The following JMY variants were observed in gnomAD, a reference collection of about 807,000 sequenced individuals.
JMY encodes junction mediating and regulatory protein, p53 cofactor.
A neutral mutation model predicts 103.3 loss-of-function variants in JMY; 46 were observed. The ratio of observed to expected loss-of-function variants is 0.45; its 90% CI spans 0.35 to 0.57. The LOEUF is 0.57. JMY is among the 20% of genes least tolerant of loss of function. The pLI, the probability that JMY is intolerant of heterozygous loss-of-function variation, is 0.00. For synonymous variants in JMY, 526 were observed against 489.3 expected, an observed-to-expected ratio of 1.07 and a Z score of -0.99; for missense variants, 1,238 against 1,255.2, an observed-to-expected ratio of 0.99 and a Z score of 0.21.
At chr5:79,258,005 C>T (rs939857536) in intron 1 of JMY, among the ~76,000 whole-genome samples, 1 of 152,008 alleles carries the variant, frequency 6.6e-6, no homozygotes, top group African/African-American at 2.4e-5. Context: ...TCAAGTGGTC[C>T]GCCTGCCTCA....
intron 1 of JMY, among the ~76,000 whole-genome samples, chr5:79,263,148 TG>T (rs1291179497): frequency 6.6e-6 from 1 of 152,188 alleles, no homozygotes; most frequent in East Asian, 1.9e-4. Flanking sequence ...TTGCTATTCC[TG>T]AAACCTGGTA....
chr5:79,272,725 G>A (rs955228245), intron 1 of JMY, among the ~76,000 whole-genome samples: 1 of 152,094 alleles, frequency 6.6e-6, no homozygotes, highest in Non-Finnish European at 1.5e-5. Context: ...CCTCAAACTC[G>A]TGAGTTCAAG....
At chr5:79,270,977 A>T (rs929165861) in intron 1 of JMY, among the ~76,000 whole-genome samples, 1 of 152,008 alleles carries the variant, frequency 6.6e-6, no homozygotes, top group Non-Finnish European at 1.5e-5. Flanking sequence ...AATAAATCAC[A>T]TTCAGTTATG....
intron 1 of JMY, among the ~76,000 whole-genome samples, chr5:79,257,906 G>A (rs1178319299): frequency 6.6e-6 from 1 of 151,988 alleles, no homozygotes; most frequent in Non-Finnish European, 1.5e-5. Flanking sequence ...GGGATTATAG[G>A]CATGCACCCC....
At chr5:79,319,045 G>T (rs1057443124) in intron 10 of JMY, among the ~76,000 whole-genome samples, 14 of 152,084 alleles carry the variant, frequency 9.2e-5, no homozygotes, top group Admixed American at 2.6e-4. Flanking sequence ...ATTACAGATG[G>T]TCCACAGTGG....
chr5:79,278,617 A>G (rs1375805208), intron 2 of JMY, among the ~76,000 whole-genome samples: 1 of 144,300 alleles, frequency 6.9e-6, no homozygotes, highest in Non-Finnish European at 1.5e-5. Context: ...AAAAAAATCA[A>G]ACTAGCTGGA....
chr5:79,267,508 C>G (rs978265364), intron 1 of JMY, among the ~76,000 whole-genome samples: 1 of 152,266 alleles, frequency 6.6e-6, no homozygotes, highest in Non-Finnish European at 1.5e-5. Flanking sequence ...TTAGTTGTTT[C>G]AGTTAGCAAT....
chr5:79,310,088 T>G, intron 7 of JMY, among the ~76,000 whole-genome samples: 1 of 112,314 alleles, frequency 8.9e-6, no homozygotes, highest in South Asian at 2.9e-4. Flanking sequence ...TTTTTTGAGA[T>G]GGAGTCTTAC....
At chr5:79,318,800 AGAGG>A (rs10617044) in intron 10 of JMY, among the ~76,000 whole-genome samples, 707 of 21,264 alleles carry the variant, frequency 0.033, 7 homozygotes, top group African/African-American at 0.2. Flanking sequence ...AGAGAGAGAG[AGAGG>A]GATGCATATC....
rs577952763 is a variant in JMY, at chr5:79,327,020, G to A, written c.*5418G>A. The A allele has an allele frequency of 1.3e-5, 2 of 152,252 alleles. No individual in the cohort carries two copies. Among genetic ancestry groups the A allele is most frequent in the East Asian group, 3.9e-4 (2 of 5,178 alleles). The allele number at this position is 152,252 out of a possible 1,614,324, so 9.4% of individuals were successfully genotyped here. ...CTGTTGCCTTTTGCTCTTTAGTGCA[G>A]CTTTTCTGCATTGTAATTGTATTGC... On this transcript the variant is annotated 3_prime_UTR_variant, in exon 11 of 11. Coordinates refer to ENST00000396137, the MANE Select transcript of JMY (RefSeq NM_152405.5).
intron 1 of JMY, among the ~76,000 whole-genome samples, chr5:79,274,960 ACCTGT>A (rs1032895455): frequency 6.6e-6 from 1 of 152,114 alleles, no homozygotes; most frequent in Non-Finnish European, 1.5e-5. Flanking sequence ...ATTGTTTAGT[ACCTGT>A]CCTGTGCATG....
At chr5:79,250,650 CT>C (rs200738584) in intron 1 of JMY, among the ~76,000 whole-genome samples, 20,324 of 122,438 alleles carry the variant, frequency 0.17, 1,072 homozygotes, top group Non-Finnish European at 0.2. Flanking sequence ...AATTATTTTT[CT>C]TTTTTTTTTT....
chr5:79,275,654 C>G (rs1745916969), intron 1 of JMY, among the ~76,000 whole-genome samples: 1 of 152,050 alleles, frequency 6.6e-6, no homozygotes, highest in East Asian at 1.9e-4. Flanking sequence ...ATATTTTGCC[C>G]CACGGTTTGT....
At position 79,248,142 on chromosome 5, in the gene JMY, C is replaced by A. The variant is rs368551236; in HGVS notation, c.1032+10460C>A. ...TCCTGACCTCATGATCCGCCCACCTCGGCCTCCCAAAGTGCTGGGATTACA... is the reference window on the plus strand; with the variant it reads ...TCCTGACCTCATGATCCGCCCACCTAGGCCTCCCAAAGTGCTGGGATTACA... On this transcript the variant is annotated intron_variant, in intron 1 of 10. Transcript: ENST00000396137. Among the ~76,000 whole-genome samples, 5 of 152,066 alleles carry A rather than the reference C, an allele frequency of 3.3e-5. No individual in the cohort carries two copies. In the East Asian group the frequency reaches 7.8e-4, roughly 24 times the overall value.
In JMY at chr5:79,310,057, C is replaced by CTTTTTTTTTT. The variant is rs55994052; in HGVS notation, c.1969-2329_1969-2320dup. Among the ~76,000 whole-genome samples, 9 of 73,680 alleles carry CTTTTTTTTTT rather than the reference C, an allele frequency of 1.2e-4. 2 individuals are homozygous for CTTTTTTTTTT. The highest frequency in any genetic ancestry group is 5.8e-4 in the African/African-American group (9 of 15,504). 48.3% of individuals were successfully genotyped at this position (73,680 alleles called of 152,430 possible). A position where few individuals can be genotyped will look rare whatever the true frequency, so the allele number is the denominator to read the frequency against. On this transcript the variant is annotated intron_variant, in intron 7 of 10. Transcript: ENST00000396137. Reference sequence around the variant, plus strand: ...TAGTAAATCGATTATCTTTCTTTTCCTTTTTTTTTTTTTTTTTTTTTTTTT... The same window carrying CTTTTTTTTTT: ...TAGTAAATCGATTATCTTTCTTTTCCTTTTTTTTTTTTTTTTTTTTTTTTTTTTTTTTTTT...
chr5:79,258,300 T>C (rs79866538), intron 1 of JMY, among the ~76,000 whole-genome samples: 156 of 141,014 alleles, frequency 1.1e-3, no homozygotes, highest in African/African-American at 3.9e-3. Flanking sequence ...ATTAGGGCTT[T>C]TTTTGTTTTT....
intron 2 of JMY, among the ~76,000 whole-genome samples, chr5:79,282,488 A>G (rs1746147567): frequency 6.6e-6 from 1 of 152,230 alleles, no homozygotes; most frequent in African/African-American, 2.4e-5. Flanking sequence ...TGAAGAATGT[A>G]CACACTTATA....
At chr5:79,298,001 C>G (rs537418866) in intron 4 of JMY, among the ~76,000 whole-genome samples, 2 of 152,200 alleles carry the variant, frequency 1.3e-5, no homozygotes, top group African/African-American at 2.4e-5. Context: ...GAGTACTGTT[C>G]TCTTTGTGGT....
chr5:79,249,264 C>T (rs1745004118), intron 1 of JMY, among the ~76,000 whole-genome samples: 2 of 152,152 alleles, frequency 1.3e-5, no homozygotes, highest in Admixed American at 6.5e-5. Flanking sequence ...TCAAGCAGTC[C>T]TCCTGCATTG....
Sources: gnomAD v4.1 joint callset for allele counts (sites outside exome capture counted in the v4.1 genomes callset) on GRCh38, gnomAD v4.1.1 for gene constraint, MANE v1.5 for transcripts, NCBI Gene and HGNC (gene_info 2026-07-23, HGNC 2026-07-21) for gene names.